The following PDE12 variants were observed in gnomAD, a reference collection of about 807,000 sequenced individuals.
PDE12 encodes the protein phosphodiesterase 12, also known as 2',5'-phosphodiesterase 12.
In PDE12, 26 loss-of-function variants were observed where a neutral mutation model predicts 45.4. That is an observed-to-expected ratio of 0.57 (90% CI 0.42 to 0.79). The LOEUF is 0.79. Ranked by LOEUF, PDE12 falls within the 30% of genes least tolerant of loss-of-function variation. The probability of loss-of-function intolerance (pLI) is 0.00; values close to 1 mark genes in which losing one functional copy is unlikely to be tolerated. For synonymous variants in PDE12, 283 were observed against 323.9 expected (o/e 0.87, Z 1.36); for missense variants, 668 against 790.0 (o/e 0.85, Z 1.85).
the PDE12 span, among the ~76,000 whole-genome samples, chr3:57,618,984 T>C: frequency 6.6e-6 from 1 of 152,202 alleles, no homozygotes; most frequent in Non-Finnish European, 1.5e-5. Context: ...ACGAATTAAA[T>C]AATTTGATAA....
At chr3:57,652,595 C>T in the PDE12 span, among the ~76,000 whole-genome samples, 1 of 152,244 alleles carries the variant, frequency 6.6e-6, no homozygotes, top group Middle Eastern at 3.4e-3. Context: ...CAATAAATAA[C>T]ATATATAGTT....
the PDE12 span, among the ~76,000 whole-genome samples, chr3:57,588,510 C>T: frequency 6.6e-6 from 1 of 151,348 alleles, no homozygotes; most frequent in Non-Finnish European, 1.5e-5. Flanking sequence ...GAGTTTGTGA[C>T]CAGCCTGGAC....
chr3:57,644,787 TGGGGAGGGGAGGGGTGGGGAGGGGA>T, the PDE12 span, among the ~76,000 whole-genome samples: 1 of 932 alleles, frequency 1.1e-3, no homozygotes, highest in Non-Finnish European at 2.0e-3. Flanking sequence ...AGGGGAGGGG[TGGGGAGGGGAGGGGTGGGGAGGGGA>T]GGGGAGGGGG....
At chr3:57,630,266 T>C in the PDE12 span, 1 of 593,872 alleles carries the variant, frequency 1.7e-6, no homozygotes, top group Non-Finnish European at 2.8e-6. Context: ...ATAAAGCCCC[T>C]ATAATGTCCT....
the PDE12 span, chr3:57,627,300 TG>T: frequency 6.6e-6 from 1 of 152,130 alleles, no homozygotes; most frequent in African/African-American, 2.4e-5. Context: ...CGTGCCACCA[TG>T]CCTGGCTAAT....
chr3:57,634,675 T>C, the PDE12 span: 6 of 1,504,240 alleles, frequency 4.0e-6, no homozygotes, highest in Non-Finnish European at 5.3e-6. Context: ...CATATAAATA[T>C]ATATTTAAAA....
At chr3:57,639,940 A>C in the PDE12 span, among the ~76,000 whole-genome samples, 1 of 152,166 alleles carries the variant, frequency 6.6e-6, no homozygotes, top group African/African-American at 2.4e-5. Flanking sequence ...GTCATGTTTT[A>C]AATATATCTA....
At chr3:57,613,790 AC>A in the PDE12 span, among the ~76,000 whole-genome samples, 59 of 150,430 alleles carry the variant, frequency 3.9e-4, no homozygotes, top group Middle Eastern at 0.01. Context: ...AGTCCCAGCT[AC>A]TTGGGAGGCT....
chr3:57,574,409 T>A, the PDE12 span, among the ~76,000 whole-genome samples: 3 of 12,902 alleles, frequency 2.3e-4, no homozygotes, highest in African/African-American at 3.0e-4. Flanking sequence ...GAAGTACAAA[T>A]TTTTTTTTTT....
the PDE12 span, chr3:57,596,980 A>G: frequency 7.3e-7 from 1 of 1,374,060 alleles, no homozygotes; most frequent in Non-Finnish European, 1.0e-6. Context: ...CCCCCACCAC[A>G]GCGGGCGGAG....
the PDE12 span, among the ~76,000 whole-genome samples, chr3:57,581,284 C>G: frequency 6.6e-6 from 1 of 152,160 alleles, no homozygotes; most frequent in African/African-American, 2.4e-5. Context: ...TCAGGTAACA[C>G]ATAAAGCTTT....
At chr3:57,601,253 G>C in the PDE12 span, among the ~76,000 whole-genome samples, 1 of 152,080 alleles carries the variant, frequency 6.6e-6, no homozygotes, top group African/African-American at 2.4e-5. Context: ...GGAATTACAG[G>C]CACATGCCAC....
Position 57,560,763 on chromosome 3 carries a change from T to A in PDE12, c.*759T>A. 1 of 985,552 alleles carries A rather than the reference T, an allele frequency of 1.0e-6. No homozygotes were observed. Among genetic ancestry groups the A allele is most frequent in the Non-Finnish European group, 1.2e-6 (1 of 829,656 alleles). 61.1% of individuals were successfully genotyped at this position (985,552 alleles called of 1,614,324 possible). The stretch of plus-strand genomic sequence containing the variant: ...TGCTTATGTACTAAGAGGGAAAATG[T>A]ATTTAAGTTAAGGGTGAGAGACTTA... On this transcript the variant is annotated 3_prime_UTR_variant, in exon 3 of 3. Coordinates refer to ENST00000311180, the MANE Select transcript of PDE12 (RefSeq NM_177966.7).
the PDE12 span, among the ~76,000 whole-genome samples, chr3:57,634,959 A>G: frequency 2.0e-5 from 3 of 152,214 alleles, no homozygotes; most frequent in African/African-American, 7.2e-5. Flanking sequence ...CTGGATTACT[A>G]CAACAGTACA....
Position 57,560,682 on chromosome 3 carries a change from T to C in PDE12, c.*678T>C, listed in dbSNP as rs1167161588. ...AGCTAGGAGTTCAGAATTTTTAAAG[T>C]ACCATTTGAATGATCTTAATTTTTC... On this transcript the variant is annotated 3_prime_UTR_variant, in exon 3 of 3. Transcript: ENST00000311180. 1.0e-6 allele frequency: 1 copy of C among 984,744 alleles called. No individual in the cohort carries two copies. Among genetic ancestry groups the C allele is most frequent in the East Asian group, 1.1e-4 (1 of 8,830 alleles). The allele number at this position is 984,744 out of a possible 1,614,324, so 61.0% of individuals were successfully genotyped here. A position where few individuals can be genotyped will look rare whatever the true frequency, so the allele number is the denominator to read the frequency against.
the PDE12 span, among the ~76,000 whole-genome samples, chr3:57,647,894 G>C: frequency 6.6e-6 from 1 of 151,916 alleles, no homozygotes; most frequent in Non-Finnish European, 1.5e-5. Flanking sequence ...GAATCAGAGA[G>C]TGAGCAGGGT....
the PDE12 span, chr3:57,628,979 G>A: frequency 9.3e-7 from 1 of 1,078,872 alleles, no homozygotes; most frequent in Non-Finnish European, 1.3e-6. Flanking sequence ...GGAAAGACAA[G>A]AAGGAAAAGG....
the PDE12 span, among the ~76,000 whole-genome samples, chr3:57,605,102 G>A: frequency 6.6e-6 from 1 of 152,172 alleles, no homozygotes; most frequent in Non-Finnish European, 1.5e-5. Context: ...ATTCCTAAAA[G>A]AGAAGGCACA....
chr3:57,564,854 A>C lies in PDE12; in HGVS notation c.*4850A>C, dbSNP rs1247832161. ...GCTAATTTTTGTATATTTTATAGGCAAAAAAAAAAAAAAAAATGGTTTCAC... is the reference window on the plus strand; with the variant it reads ...GCTAATTTTTGTATATTTTATAGGCCAAAAAAAAAAAAAAAATGGTTTCAC... On this transcript the variant is annotated 3_prime_UTR_variant, in exon 3 of 3. Coordinates refer to ENST00000311180, the MANE Select transcript of PDE12 (RefSeq NM_177966.7). 1 of 54,940 alleles carries C rather than the reference A, an allele frequency of 1.8e-5. No homozygotes were observed. The highest frequency in any genetic ancestry group is 4.9e-5 in the Non-Finnish European group (1 of 20,498). The allele number at this position is 54,940 out of a possible 1,614,324, so 3.4% of individuals were successfully genotyped here.
Sources: allele counts gnomAD v4.1 joint callset (sites outside exome capture counted in the v4.1 genomes callset), GRCh38; gene constraint gnomAD v4.1.1; transcripts MANE v1.5; gene names NCBI Gene and HGNC (gene_info 2026-07-23, HGNC 2026-07-21).